The following MALRD1 variants were observed in gnomAD, a reference collection of about 807,000 sequenced individuals.
The protein encoded by MALRD1 is MAM and LDL-receptor class A domain-containing protein 1.
Under a neutral mutation model 242.1 loss-of-function variants are expected in MALRD1, and 247 were observed. The ratio of observed to expected loss-of-function variants is 1.02; its 90% CI spans 0.92 to 1.13. MALRD1 has a LOEUF of 1.13. Among genes scored for constraint, MALRD1 ranks in the 50% most tolerant of loss-of-function variants. MALRD1 has a pLI of 0.00. For missense variants in MALRD1, 2,989 were observed against 2,533.1 expected (o/e 1.18, Z -3.86); for synonymous variants, 995 against 866.6 (o/e 1.15, Z -2.60).
At chr10:19,309,469 G>GT (rs1483846164) in intron 21 of MALRD1, among the ~76,000 whole-genome samples, 1 of 151,418 alleles carries the variant, frequency 6.6e-6, no homozygotes, top group Non-Finnish European at 1.5e-5. Context: ...CTGTAGTAGT[G>GT]TTATGGGCCA....
At chr10:19,144,880 C>T (rs1833676856) in intron 10 of MALRD1, among the ~76,000 whole-genome samples, 1 of 152,124 alleles carries the variant, frequency 6.6e-6, no homozygotes, top group Non-Finnish European at 1.5e-5. Flanking sequence ...ACTTGGAACT[C>T]AGTGGTAGTT....
chr10:19,670,850 T>G (rs1841883573), intron 36 of MALRD1, among the ~76,000 whole-genome samples: 1 of 152,056 alleles, frequency 6.6e-6, no homozygotes, highest in African/African-American at 2.4e-5. Context: ...TTGGTCACTA[T>G]AATATCTTTA....
At chr10:19,436,823 A>G (rs115820902) in intron 28 of MALRD1, among the ~76,000 whole-genome samples, 81 of 152,274 alleles carry the variant, frequency 5.3e-4, no homozygotes, top group Middle Eastern at 6.8e-3. Context: ...AAGTTGTATG[A>G]GTTTTGACAA....
At chr10:19,364,246 T>C (rs969949492) in intron 26 of MALRD1, among the ~76,000 whole-genome samples, 4 of 152,168 alleles carry the variant, frequency 2.6e-5, no homozygotes, top group Non-Finnish European at 5.9e-5. Context: ...TATAATTGTT[T>C]AATAACAACT....
intron 18 of MALRD1, among the ~76,000 whole-genome samples, chr10:19,220,612 T>G (rs1002145832): frequency 4.6e-5 from 7 of 152,178 alleles, no homozygotes; most frequent in Admixed American, 2.0e-4. Flanking sequence ...AGAACTTTCT[T>G]TTTAATAATT....
chr10:19,161,549 G>GAAAAAAAAAAAAAAAA (rs1491548638), intron 12 of MALRD1, among the ~76,000 whole-genome samples: 1 of 11,506 alleles, frequency 8.7e-5, no homozygotes, highest in African/African-American at 4.3e-4. Context: ...GAAAAAAAAA[G>GAAAAAAAAAAAAAAAA]CAAAAAAAAA....
chr10:19,545,608 G>A (rs1259753141), intron 32 of MALRD1, among the ~76,000 whole-genome samples: 1 of 151,596 alleles, frequency 6.6e-6, no homozygotes, highest in African/African-American at 2.4e-5. Flanking sequence ...TTCCCCGTAT[G>A]TGAATAAAAT....
intron 13 of MALRD1, among the ~76,000 whole-genome samples, chr10:19,170,776 C>T (rs537135470): frequency 1.3e-5 from 2 of 152,196 alleles, no homozygotes; most frequent in Admixed American, 1.3e-4. Flanking sequence ...TGACATTCAA[C>T]CAATTACTTC....
chr10:19,182,861 G>A (rs1357270168), intron 14 of MALRD1, among the ~76,000 whole-genome samples: 1 of 152,088 alleles, frequency 6.6e-6, no homozygotes, highest in Non-Finnish European at 1.5e-5. Context: ...AGTTTAAGGA[G>A]TGAATGTCTT....
chr10:19,243,693 C>G lies in MALRD1; in HGVS notation c.2992-13991C>G, dbSNP rs562591382. Among the ~76,000 whole-genome samples the G allele has an allele frequency of 5.9e-5, 9 of 152,226 alleles. No individual in the cohort carries two copies. In the East Asian group the frequency reaches 1.7e-3, roughly 29 times the overall value. ...AACCAACACTCTTGGGTCTTTACCT[C>G]TCAGCATACACCTGATTATTAACTT... On this transcript the variant is annotated intron_variant, in intron 18 of 39. Coordinates refer to ENST00000454679, the MANE Select transcript of MALRD1 (RefSeq NM_001142308.3).
chr10:19,099,585 T>TTATATA (rs1306680226), intron 4 of MALRD1, among the ~76,000 whole-genome samples: 1 of 151,418 alleles, frequency 6.6e-6, no homozygotes, highest in African/African-American at 2.4e-5. Flanking sequence ...CTTTGCTCCT[T>TTATATA]TATATGTATA....
intron 36 of MALRD1, among the ~76,000 whole-genome samples, chr10:19,661,914 A>G (rs765851075): frequency 6.6e-5 from 10 of 152,216 alleles, no homozygotes; most frequent in African/African-American, 2.4e-4. Context: ...CGATACATCT[A>G]TTAAACACCA....
At chr10:19,321,660 G>A (rs1842919410) in intron 21 of MALRD1, among the ~76,000 whole-genome samples, 1 of 152,018 alleles carries the variant, frequency 6.6e-6, no homozygotes, top group Non-Finnish European at 1.5e-5. Context: ...TAGCCACTTA[G>A]AAGTGTACAG....
chr10:19,212,338 A>G (rs1027790062), intron 18 of MALRD1, among the ~76,000 whole-genome samples: 2 of 152,096 alleles, frequency 1.3e-5, no homozygotes, highest in South Asian at 2.1e-4. Context: ...ATTTTACACT[A>G]TGCACTTTTT....
chr10:19,266,440 C>T (rs1002280546), intron 19 of MALRD1, among the ~76,000 whole-genome samples: 6 of 151,912 alleles, frequency 3.9e-5, no homozygotes, highest in South Asian at 2.1e-4. Context: ...ATAGTTACAA[C>T]GATTCATTTT....
At chr10:19,298,027 C>T (rs941827235) in intron 21 of MALRD1, among the ~76,000 whole-genome samples, 1 of 151,900 alleles carries the variant, frequency 6.6e-6, no homozygotes, top group Admixed American at 6.6e-5. Flanking sequence ...TAAAGGAATA[C>T]CTGAGACTGA....
At chr10:19,643,310 G>C (rs1840483861) in intron 36 of MALRD1, among the ~76,000 whole-genome samples, 1 of 152,008 alleles carries the variant, frequency 6.6e-6, no homozygotes, top group Admixed American at 6.5e-5. Flanking sequence ...GGCGGACGTG[G>C]TGGCAGGTGC....
intron 36 of MALRD1, among the ~76,000 whole-genome samples, chr10:19,652,920 ATCTG>A (rs1396548391): frequency 6.6e-6 from 1 of 152,178 alleles, no homozygotes; most frequent in African/African-American, 2.4e-5. Flanking sequence ...TTTCTCAACA[ATCTG>A]TCTAAGTGCC....
intron 2 of MALRD1, among the ~76,000 whole-genome samples, chr10:19,079,082 T>A (rs753547393): frequency 6.6e-6 from 1 of 151,550 alleles, no homozygotes. Context: ...TTATTATTAA[T>A]GTTGAGATCT....
Sources: allele counts gnomAD v4.1 joint callset (sites outside exome capture counted in the v4.1 genomes callset), GRCh38; gene constraint gnomAD v4.1.1; transcripts MANE v1.5; gene names NCBI Gene and HGNC (gene_info 2026-07-23, HGNC 2026-07-21).